Variants in EDC3 observed in about 807,000 individuals in gnomAD.
The protein encoded by EDC3 is enhancer of mRNA-decapping protein 3.
A neutral mutation model predicts 41.8 loss-of-function variants in EDC3; 20 were observed. The ratio of observed to expected loss-of-function variants is 0.48; its 90% confidence interval spans 0.34 to 0.70. The LOEUF (loss-of-function observed/expected upper bound fraction) is 0.70. Ranked by LOEUF, EDC3 falls within the 30% of genes least tolerant of loss-of-function variation. EDC3 has a pLI of 0.01. For missense variants in EDC3, 444 were observed against 636.8 expected, an observed-to-expected ratio of 0.70 and a Z score of 3.26; for synonymous variants, 206 against 243.2, an observed-to-expected ratio of 0.85 and a Z score of 1.42.
chr15:74,681,341 C>A (rs2062868302), intron 1 of EDC3, among the ~76,000 whole-genome samples: 1 of 151,664 alleles, frequency 6.6e-6, no homozygotes, highest in Admixed American at 6.6e-5. Flanking sequence ...TTAGTAGAGA[C>A]AGGGTTTCAC....
In EDC3 at chr15:74,631,095, G is replaced by A. The variant is rs1300709628; in HGVS notation, c.*1517C>T. On this transcript the variant is annotated 3_prime_UTR_variant, in exon 7 of 7. Transcript: ENST00000315127. ...AGTCCCTGGCCTCTTCCCATCGCTG[G>A]AGACAATTTAAGACTGAAGGGAAGA... is the stretch of plus-strand genomic sequence containing the variant. 1 of 152,274 alleles carries A rather than the reference G, an allele frequency of 6.6e-6. No individual in the cohort carries two copies. Among genetic ancestry groups the A allele is most frequent in the African/African-American group, 2.4e-5 (1 of 41,454 alleles). The allele number at this position is 152,274 out of a possible 1,614,324, so 9.4% of individuals were successfully genotyped here.
chr15:74,686,695 A>G (rs900691867), intron 1 of EDC3, among the ~76,000 whole-genome samples: 1 of 151,916 alleles, frequency 6.6e-6, no homozygotes, highest in Non-Finnish European at 1.5e-5. Context: ...TGGGAAAACC[A>G]CTTGAACCCA....
chr15:74,667,472 A>C, intron 3 of EDC3, among the ~76,000 whole-genome samples: 1 of 53,018 alleles, frequency 1.9e-5, no homozygotes, highest in Non-Finnish European at 3.5e-5. Context: ...GGGTGGAGGG[A>C]GGAGGAGGGA....
At chr15:74,667,465 TGGAGGGAGGA>T (rs1310121273) in intron 3 of EDC3, among the ~76,000 whole-genome samples, 137 of 12,026 alleles carry the variant, frequency 0.011, 1 homozygote, top group Admixed American at 0.023. Flanking sequence ...AGGGAGGGGG[TGGAGGGAGGA>T]GGAGGGAGGA....
intron 1 of EDC3, chr15:74,687,014 A>G (rs2062945761): frequency 6.6e-6 from 1 of 152,318 alleles, no homozygotes; most frequent in South Asian, 2.1e-4. Flanking sequence ...AGCCTGGGCA[A>G]CAGAGCAAGA....
At chr15:74,636,945 G>C (rs564178871) in intron 5 of EDC3, 1 of 152,140 alleles carries the variant, frequency 6.6e-6, no homozygotes, top group Non-Finnish European at 1.5e-5. Context: ...CACACCCAGC[G>C]GCAAGGTGTA....
chr15:74,695,028 C>G (rs908401705), intron 1 of EDC3, among the ~76,000 whole-genome samples: 1 of 151,364 alleles, frequency 6.6e-6, no homozygotes, highest in African/African-American at 2.4e-5. Context: ...TGGAGACAGC[C>G]ATTTCTGTTT....
At chr15:74,673,837 C>CA (rs748537794) in intron 2 of EDC3, among the ~76,000 whole-genome samples, 3,492 of 46,932 alleles carry the variant, frequency 0.074, 211 homozygotes, top group African/African-American at 0.21. Flanking sequence ...GAGACTCCAT[C>CA]AAAAAAAAAA....
intron 1 of EDC3, among the ~76,000 whole-genome samples, chr15:74,683,141 C>T (rs1271641016): frequency 6.6e-6 from 1 of 152,234 alleles, no homozygotes; most frequent in Non-Finnish European, 1.5e-5. Flanking sequence ...AACAGTGGTA[C>T]ATTCATACCA....
At chr15:74,657,014 A>C (rs1282735381) in intron 3 of EDC3, among the ~76,000 whole-genome samples, 1 of 152,208 alleles carries the variant, frequency 6.6e-6, no homozygotes, top group Non-Finnish European at 1.5e-5. Context: ...AATAAAAATA[A>C]AATCACCCAC....
At position 74,671,969 on chromosome 15, in the gene EDC3, A is replaced by G. The variant is rs550584385; in HGVS notation, c.165-195T>C. Among the ~76,000 whole-genome samples the G allele has an allele frequency of 6.6e-6, 1 of 152,190 alleles. No individual in the cohort carries two copies. Among genetic ancestry groups the G allele is most frequent in the Admixed American group, 6.5e-5 (1 of 15,278 alleles). On this transcript the variant is annotated intron_variant, in intron 2 of 6. Transcript: ENST00000315127. This position sits in a 1 kb window ranked among gnomAD's most constrained non-coding sequence, Gnocchi z 4.6. Reference sequence around the variant, plus strand: ...AACTGACACAATGCTAGCCTTTAAAAAGAGGCTATTGGCCGGGCACGGTGG... The same window carrying G: ...AACTGACACAATGCTAGCCTTTAAAGAGAGGCTATTGGCCGGGCACGGTGG...
rs2062737162 is a variant in EDC3 at position 74,671,487 on chromosome 15, T to C, written c.452A>G (p.Gln151Arg). 6.2e-7 allele frequency: 1 copy of C among 1,613,124 alleles called. No homozygotes were observed. The highest frequency in any genetic ancestry group is 1.7e-5 in the Admixed American group (1 of 59,964). Residue 151 changes from glutamine to arginine, a missense_variant, in exon 3 of 7, where the codon CAG becomes CGG. Physicochemically the swap from Gln to Arg is conservative, Grantham distance 43. Transcript: ENST00000315127. This position sits in a 1 kb window ranked among gnomAD's most constrained non-coding sequence, Gnocchi z 4.6. ...YVDRHMESLS[Q>R]SKSFRRRHNS... ...GTGCCGACGACGGAAACTTTTGGACTGACTCAAGGATTCCATGTGCCTGTC... is the reference window on the plus strand; with the variant it reads ...GTGCCGACGACGGAAACTTTTGGACCGACTCAAGGATTCCATGTGCCTGTC...
intron 3 of EDC3, among the ~76,000 whole-genome samples, chr15:74,659,381 A>C (rs531387636): frequency 1.6e-3 from 247 of 151,630 alleles, no homozygotes; most frequent in Non-Finnish European, 2.4e-3. Flanking sequence ...AATTGCTTGA[A>C]CCCAGGAAAC....
intron 2 of EDC3, among the ~76,000 whole-genome samples, chr15:74,673,474 C>A (rs548275005): frequency 6.6e-6 from 1 of 152,032 alleles, no homozygotes; most frequent in Non-Finnish European, 1.5e-5. Flanking sequence ...TTTAAGATAT[C>A]TTGTGGGATG....
At chr15:74,639,229 A>G (rs1473551197) in intron 5 of EDC3, 1 of 152,114 alleles carries the variant, frequency 6.6e-6, no homozygotes, top group Non-Finnish European at 1.5e-5. Flanking sequence ...GTAGCTAAAA[A>G]TCATCTTTTT....
At position 74,640,579 on chromosome 15, in the gene EDC3, A is replaced by T. The variant is rs766893983; in HGVS notation, c.861T>A (p.His287Gln). 3.1e-6 allele frequency: 5 copies of T among 1,614,228 alleles called. No individual in the cohort carries two copies. In the East Asian group the frequency reaches 8.9e-5, roughly 29 times the overall value. Residue 287 changes from histidine (H) to glutamine (Q), a missense_variant, in exon 5 of 7, where the codon CAT becomes CAA. By Grantham distance (24) the His-to-Gln change is conservative (BLOSUM62 0). Around this residue, in one of 3 missense-constraint regions of EDC3, gnomAD observed 242 missense variants for 363.8 expected, o/e 0.67. Coordinates refer to ENST00000315127, the MANE Select transcript of EDC3 (RefSeq NM_025083.5). ...LVVPSISYELHKKLLSVAEKH... is the reference protein window; with the variant it reads ...LVVPSISYELQKKLLSVAEKH... ...TCTCAGCCACGGACAACAGCTTTTT[A>T]TGCAGCTCATAGGAAATACTTGGGA...
At chr15:74,675,189 C>A in intron 1 of EDC3, 47 bp from the exon 2 acceptor site, 9 of 1,567,190 alleles carry the variant, frequency 5.7e-6, no homozygotes, top group Non-Finnish European at 7.8e-6. Flanking sequence ...AAAAGACAAA[C>A]TTTTAATTAA....
At position 74,675,088 on chromosome 15, in the gene EDC3, T is replaced by C; in HGVS notation, c.37A>G (p.Asn13Asp). The change falls in exon 2 of 7, where the codon AAT becomes GAT. Residue 13 changes from asparagine (N) to aspartate (D), a missense_variant. Transcript: ENST00000315127. ...TDWLGSIVSI[N>D]CGDSLGVYQG... ...TAGACACCCAAGCTATCTCCACAAT[T>C]GATGGACACAATACTTCCCAGCCAA... 1 of 1,613,758 alleles carries C rather than the reference T, an allele frequency of 6.2e-7. No individual in the cohort carries two copies. The highest frequency in any genetic ancestry group is 8.5e-7 in the Non-Finnish European group (1 of 1,180,016).
chr15:74,653,514 G>A (rs1428029054), intron 4 of EDC3, among the ~76,000 whole-genome samples: 2 of 152,176 alleles, frequency 1.3e-5, no homozygotes, highest in Admixed American at 1.3e-4. Context: ...CACAGACGCT[G>A]CTTGGCAAAA....
Sources: allele counts gnomAD v4.1 joint callset (sites outside exome capture counted in the v4.1 genomes callset), GRCh38; gene constraint gnomAD v4.1.1; regional missense constraint gnomAD v4.1.1; non-coding constraint Gnocchi (gnomAD v3.1); transcripts MANE v1.5; gene names NCBI Gene and HGNC (gene_info 2026-07-23, HGNC 2026-07-21).